The following CCDC148 variants were observed in gnomAD, a reference collection of about 807,000 sequenced individuals.
The protein encoded by CCDC148 is coiled-coil domain containing 148.
Under a neutral mutation model 85.7 loss-of-function variants are expected in CCDC148, and 89 were observed. The ratio of observed to expected loss-of-function variants is 1.04; its 90% CI spans 0.87 to 1.24. CCDC148 has a LOEUF of 1.24. Among genes scored for constraint, CCDC148 ranks in the 50% most tolerant of loss-of-function variants. The probability of loss-of-function intolerance (pLI) is 0.00; values close to 1 mark genes in which losing one functional copy is unlikely to be tolerated. For missense variants in CCDC148, 692 were observed against 671.7 expected (o/e 1.03, Z -0.33); for synonymous variants, 230 against 213.9 (o/e 1.08, Z -0.66).
chr2:158,380,448 C>A (rs1191341147), intron 1 of CCDC148, among the ~76,000 whole-genome samples: 1 of 152,118 alleles, frequency 6.6e-6, no homozygotes, highest in African/African-American at 2.4e-5. Context: ...CTGTGAAAGA[C>A]TGAAAGACTG....
chr2:158,191,180 C>A (rs1289138924), intron 11 of CCDC148, among the ~76,000 whole-genome samples: 1 of 152,000 alleles, frequency 6.6e-6, no homozygotes, highest in Admixed American at 6.6e-5. Context: ...AAAGAAACCA[C>A]AGTCTTCTCC....
chr2:158,279,272 G>A (rs1690134334), intron 9 of CCDC148, among the ~76,000 whole-genome samples: 1 of 152,188 alleles, frequency 6.6e-6, no homozygotes, highest in Non-Finnish European at 1.5e-5. Flanking sequence ...GAACAAAGCT[G>A]GACGGAGAAT....
intron 2 of CCDC148, among the ~76,000 whole-genome samples, chr2:158,347,105 C>T (rs1169456285): frequency 6.6e-6 from 1 of 152,136 alleles, no homozygotes; most frequent in Non-Finnish European, 1.5e-5. Context: ...GACACTTTAA[C>T]GTTCACTTTA....
At position 158,391,137 on chromosome 2, in the gene CCDC148, T is replaced by C. The variant is rs1685287013; in HGVS notation, c.26-32567A>G. 2.6e-5 allele frequency among the ~76,000 whole-genome samples: 4 copies of C among 152,196 alleles called. No homozygotes were observed. In the South Asian group the frequency reaches 8.3e-4, roughly 32 times the overall value. Reference sequence around the variant, plus strand: ...CTACAACAGTGAGTGAAAGGATATGTTTCCTGCTTTCATGGTGCTTACTGT... The same window carrying C: ...CTACAACAGTGAGTGAAAGGATATGCTTCCTGCTTTCATGGTGCTTACTGT... On this transcript the variant is annotated intron_variant, in intron 1 of 13. Coordinates refer to ENST00000283233, the MANE Select transcript of CCDC148 (RefSeq NM_138803.4).
chr2:158,192,630 AG>A (rs2105274289), intron 11 of CCDC148, among the ~76,000 whole-genome samples: 1 of 152,138 alleles, frequency 6.6e-6, no homozygotes, highest in African/African-American at 2.4e-5. Context: ...GCAGCAGGAG[AG>A]GCTCCTTAGG....
intron 1 of CCDC148, among the ~76,000 whole-genome samples, chr2:158,450,803 G>A (rs1481235713): frequency 1.3e-5 from 2 of 151,932 alleles, no homozygotes; most frequent in African/African-American, 4.8e-5. Flanking sequence ...ATTCTATTTG[G>A]TGTTTGCTGA....
intron 1 of CCDC148, among the ~76,000 whole-genome samples, chr2:158,433,783 G>A (rs551865663): frequency 7.9e-5 from 12 of 152,298 alleles, no homozygotes; most frequent in South Asian, 2.1e-4. Flanking sequence ...CTAATACTGC[G>A]CTTTTCCAAG....
chr2:158,348,643 A>G (rs865915436), intron 2 of CCDC148, among the ~76,000 whole-genome samples: 1 of 152,028 alleles, frequency 6.6e-6, no homozygotes, highest in South Asian at 2.1e-4. Flanking sequence ...TTTATGGGTG[A>G]AATATTATGA....
chr2:158,400,177 C>A lies in CCDC148; in HGVS notation c.26-41607G>T, dbSNP rs1038171928. Among the ~76,000 whole-genome samples, 27 of 152,118 alleles carry A rather than the reference C, an allele frequency of 1.8e-4. No individual in the cohort carries two copies. The East Asian group carries it at 2.7e-3, about 15-fold the overall frequency. ...CAATGCCATCCCCATCAAGCTACCACTGACTTTCTTCACAGAATTCGAATA... is the reference window on the plus strand; with the variant it reads ...CAATGCCATCCCCATCAAGCTACCAATGACTTTCTTCACAGAATTCGAATA... On this transcript the variant is annotated intron_variant, in intron 1 of 13. Transcript: ENST00000283233.
intron 9 of CCDC148, among the ~76,000 whole-genome samples, chr2:158,254,162 G>A (rs1449157070): frequency 6.6e-6 from 1 of 151,662 alleles, no homozygotes; most frequent in Non-Finnish European, 1.5e-5. Flanking sequence ...GGATTCTGAT[G>A]TAAATAAACC....
chr2:158,277,985 T>C (rs1042227407), intron 9 of CCDC148, among the ~76,000 whole-genome samples: 7 of 152,208 alleles, frequency 4.6e-5, no homozygotes, highest in Admixed American at 4.6e-4. Flanking sequence ...TCAATTTGAC[T>C]AGCACCTGTG....
chr2:158,406,618 T>TTTTTCTGTTTTTTTTTTTTG (rs1559124528), intron 1 of CCDC148, among the ~76,000 whole-genome samples: 2 of 84,960 alleles, frequency 2.4e-5, no homozygotes, highest in Admixed American at 1.4e-4. Flanking sequence ...AATTTCTTTT[T>TTTTTCTGTTTTTTTTTTTTG]TTTTTTTTTT....
intron 9 of CCDC148, among the ~76,000 whole-genome samples, chr2:158,256,523 A>T (rs1013165217): frequency 6.6e-6 from 1 of 151,846 alleles, no homozygotes; most frequent in Admixed American, 6.6e-5. Context: ...TCTATTGGCC[A>T]TATTTATGGA....
chr2:158,194,179 A>T (rs1018518605), intron 11 of CCDC148, among the ~76,000 whole-genome samples: 9 of 152,242 alleles, frequency 5.9e-5, no homozygotes, highest in African/African-American at 4.8e-5. Context: ...CAATTTTTTT[A>T]AAATTTAATA....
At chr2:158,199,267 CAA>C (rs1167957907) in intron 11 of CCDC148, among the ~76,000 whole-genome samples, 7 of 152,016 alleles carry the variant, frequency 4.6e-5, no homozygotes, top group African/African-American at 1.7e-4. Context: ...TTTTTTGAGA[CAA>C]AGTCTCATTC....
intron 1 of CCDC148, among the ~76,000 whole-genome samples, chr2:158,363,455 GC>G (rs2105272250): frequency 6.6e-6 from 1 of 152,154 alleles, no homozygotes; most frequent in South Asian, 2.1e-4. Context: ...ACATCAAAAA[GC>G]TTATCCACCA....
chr2:158,201,017 C>T (rs903197530), intron 11 of CCDC148, among the ~76,000 whole-genome samples: 6 of 152,122 alleles, frequency 3.9e-5, no homozygotes, highest in Non-Finnish European at 5.9e-5. Context: ...TCCCAATTAG[C>T]CCTGTTCCTT....
At chr2:158,354,644 G>C (rs1334976434) in intron 2 of CCDC148, among the ~76,000 whole-genome samples, 1 of 152,090 alleles carries the variant, frequency 6.6e-6, no homozygotes, top group East Asian at 1.9e-4. Flanking sequence ...AATTCTACCA[G>C]AGGTACAAGG....
At chr2:158,224,216 G>A (rs796673481) in intron 10 of CCDC148, among the ~76,000 whole-genome samples, 104 of 152,318 alleles carry the variant, frequency 6.8e-4, no homozygotes, top group African/African-American at 2.4e-3. Flanking sequence ...GGGTACCAGT[G>A]ATGCAAGATC....
Sources: allele counts gnomAD v4.1 joint callset (sites outside exome capture counted in the v4.1 genomes callset), GRCh38; gene constraint gnomAD v4.1.1; transcripts MANE v1.5; gene names NCBI Gene and HGNC (gene_info 2026-07-23, HGNC 2026-07-21).